Variants in SLC8A1 observed in about 807,000 individuals in gnomAD.
SLC8A1 encodes the protein sodium/calcium exchanger 1.
Under a neutral mutation model 68.3 loss-of-function variants are expected in SLC8A1, and 18 were observed. That is an observed-to-expected ratio of 0.26 (90% CI 0.18 to 0.39). The LOEUF (loss-of-function observed/expected upper bound fraction) is 0.39, where lower values mean the gene tolerates loss of function less well. SLC8A1 is among the 10% of genes least tolerant of loss of function. The pLI, the probability that SLC8A1 is intolerant of heterozygous loss-of-function variation, is 1.00. For missense variants in SLC8A1, 985 were observed against 1,156.7 expected (o/e 0.85, Z 2.15); for synonymous variants, 475 against 415.5 (o/e 1.14, Z -1.74).
chr2:40,259,541 T>C (rs2064407562), intron 2 of SLC8A1, among the ~76,000 whole-genome samples: 1 of 152,152 alleles, frequency 6.6e-6, no homozygotes, highest in Non-Finnish European at 1.5e-5. Context: ...AGCACAGTGA[T>C]GCAACCAAGC....
chr2:40,249,803 G>C (rs1016100660), intron 2 of SLC8A1, among the ~76,000 whole-genome samples: 3 of 152,136 alleles, frequency 2.0e-5, no homozygotes, highest in African/African-American at 7.2e-5. Context: ...TCTCTACTCT[G>C]TATTATCTGC....
chr2:40,491,740 T>C (rs1705329944), intron 1 of SLC8A1, among the ~76,000 whole-genome samples: 1 of 152,168 alleles, frequency 6.6e-6, no homozygotes, highest in East Asian at 1.9e-4. Context: ...GAGAGAACCA[T>C]GTGGTTTTTG....
At chr2:40,246,569 C>G (rs897505190) in intron 2 of SLC8A1, among the ~76,000 whole-genome samples, 1 of 152,190 alleles carries the variant, frequency 6.6e-6, no homozygotes, top group Non-Finnish European at 1.5e-5. Context: ...CCTGTGCAGT[C>G]AGTTCTTCTG....
intron 2 of SLC8A1, among the ~76,000 whole-genome samples, chr2:40,260,472 A>G (rs1269586782): frequency 6.6e-6 from 1 of 152,162 alleles, no homozygotes; most frequent in Non-Finnish European, 1.5e-5. Context: ...CTGATCAGAA[A>G]CAAAACTTTA....
chr2:40,187,503 C>G (rs1204559867), intron 2 of SLC8A1, among the ~76,000 whole-genome samples: 1 of 152,162 alleles, frequency 6.6e-6, no homozygotes, highest in African/African-American at 2.4e-5. Flanking sequence ...ACCAAGGGAG[C>G]TTTAGAGAGT....
At chr2:40,274,605 A>G (rs1208450444) in intron 2 of SLC8A1, among the ~76,000 whole-genome samples, 2 of 152,234 alleles carry the variant, frequency 1.3e-5, no homozygotes, top group South Asian at 2.1e-4. Flanking sequence ...AAGCATATCA[A>G]CAGGCTTCCG....
intron 2 of SLC8A1, among the ~76,000 whole-genome samples, chr2:40,414,016 G>T (rs1693039182): frequency 6.6e-6 from 1 of 152,120 alleles, no homozygotes; most frequent in Non-Finnish European, 1.5e-5. Flanking sequence ...TAAGAATTAT[G>T]TAAGAGAATA....
At chr2:40,302,482 T>A (rs2071688347) in intron 2 of SLC8A1, among the ~76,000 whole-genome samples, 1 of 150,440 alleles carries the variant, frequency 6.6e-6, no homozygotes, top group Non-Finnish European at 1.5e-5. Flanking sequence ...CACATATATA[T>A]GATACATATA....
chr2:40,487,971 A>G (rs1265377716), intron 1 of SLC8A1, among the ~76,000 whole-genome samples: 2 of 152,180 alleles, frequency 1.3e-5, no homozygotes, highest in African/African-American at 4.8e-5. Flanking sequence ...GGGAAAGAGA[A>G]TTTTAAAAAT....
At chr2:40,495,892 G>A (rs1204938875) in intron 1 of SLC8A1, among the ~76,000 whole-genome samples, 2 of 152,014 alleles carry the variant, frequency 1.3e-5, no homozygotes, top group Non-Finnish European at 2.9e-5. Context: ...ATAAAGAACT[G>A]TCAATGATTC....
chr2:40,222,285 C>CTACT (rs545295418), intron 2 of SLC8A1, among the ~76,000 whole-genome samples: 2 of 152,258 alleles, frequency 1.3e-5, no homozygotes, highest in South Asian at 4.1e-4. Context: ...AAACGACTCC[C>CTACT]TACTTAATAA....
At chr2:40,269,250 C>T (rs912204645) in intron 2 of SLC8A1, among the ~76,000 whole-genome samples, 1 of 152,116 alleles carries the variant, frequency 6.6e-6, no homozygotes, top group African/African-American at 2.4e-5. Context: ...CTTATTCTAA[C>T]TTTCCAAAGA....
rs754898901 is a variant in SLC8A1, at chr2:40,459,397, G to A, written c.-24-29093C>T. Among the ~76,000 whole-genome samples the A allele has an allele frequency of 4.6e-5, 7 of 151,728 alleles. No individual in the cohort carries two copies. In the South Asian group the frequency reaches 1.5e-3, roughly 32 times the overall value. ...TTTTTTGTTTTGAAAATTTGTTTCT[G>A]CCCTGTACTGAGTTTTATTTTGTTT... On this transcript the variant is annotated intron_variant, in intron 1 of 7. Transcript: ENST00000402441.
At chr2:40,328,184 G>T (rs2076045904) in intron 2 of SLC8A1, among the ~76,000 whole-genome samples, 2 of 152,050 alleles carry the variant, frequency 1.3e-5, no homozygotes, top group African/African-American at 2.4e-5. Flanking sequence ...AAAAAGAAAA[G>T]AAATTAACCA....
At chr2:40,429,813 C>G (rs145993088) in exon 2 of SLC8A1, 1 of 1,613,750 alleles carries the variant, frequency 6.2e-7, no homozygotes, top group South Asian at 1.1e-5. Context: ...TATGGCCACA[C>G]ACTTCAATTA....
chr2:40,274,762 C>G (rs552374135), intron 2 of SLC8A1, among the ~76,000 whole-genome samples: 15 of 152,258 alleles, frequency 9.9e-5, no homozygotes, highest in African/African-American at 3.6e-4. Flanking sequence ...AGAGAAAGAA[C>G]AGTAAACATT....
At chr2:40,299,482 C>G (rs1298089084) in intron 2 of SLC8A1, among the ~76,000 whole-genome samples, 1 of 152,054 alleles carries the variant, frequency 6.6e-6, no homozygotes, top group Non-Finnish European at 1.5e-5. Flanking sequence ...GTTGAAGGAG[C>G]CCTGGAAGAT....
At chr2:40,422,499 C>A (rs907842817) in intron 2 of SLC8A1, among the ~76,000 whole-genome samples, 3 of 152,268 alleles carry the variant, frequency 2.0e-5, no homozygotes, top group Middle Eastern at 3.4e-3. Context: ...AAATCTCCTT[C>A]CCTTGGTTAA....
chr2:40,176,084 T>A (rs1036312549), intron 3 of SLC8A1: 1 of 368,632 alleles, frequency 2.7e-6, no homozygotes, highest in East Asian at 8.5e-5. Flanking sequence ...AAGCCCAGAA[T>A]GTACTGTAGC....
Sources: gnomAD v4.1 joint callset for allele counts (sites outside exome capture counted in the v4.1 genomes callset) on GRCh38, gnomAD v4.1.1 for gene constraint, MANE v1.5 for transcripts, NCBI Gene and HGNC (gene_info 2026-07-23, HGNC 2026-07-21) for gene names.